CCDC178: variants seen among roughly 807,000 people sequenced by gnomAD.
The protein encoded by CCDC178 is coiled-coil domain-containing protein 178.
In CCDC178, 126 loss-of-function variants were observed where a neutral mutation model predicts 117.4. That is an observed-to-expected ratio of 1.07 (90% CI 0.93 to 1.24). The LOEUF (loss-of-function observed/expected upper bound fraction) is 1.24. Among genes scored for constraint, CCDC178 ranks in the 50% most tolerant of loss-of-function variants. The pLI, the probability that CCDC178 is intolerant of heterozygous loss-of-function variation, is 0.00. For missense variants in CCDC178, 1,030 were observed against 986.9 expected, an observed-to-expected ratio of 1.04 and a Z score of -0.59; for synonymous variants, 283 against 313.4, an observed-to-expected ratio of 0.90 and a Z score of 1.02.
intron 20 of CCDC178, among the ~76,000 whole-genome samples, chr18:33,163,630 A>C (rs1252108753): frequency 6.6e-6 from 1 of 152,212 alleles, no homozygotes. Context: ...TTTTCTAAGA[A>C]CTTTGACTTT....
intron 11 of CCDC178, among the ~76,000 whole-genome samples, chr18:33,302,012 G>C (rs1249157291): frequency 6.6e-6 from 1 of 152,172 alleles, no homozygotes; most frequent in Admixed American, 6.5e-5. Flanking sequence ...GATGGGACAT[G>C]CTGGGAGGTG....
Position 33,352,853 on chromosome 18 carries a change from G to T in CCDC178, c.371+3471C>A, listed in dbSNP as rs2062995568. 2.0e-5 allele frequency among the ~76,000 whole-genome samples: 3 copies of T among 152,100 alleles called. No homozygotes were observed. The South Asian group carries it at 6.2e-4, about 31-fold the overall frequency. On this transcript the variant is annotated intron_variant, in intron 7 of 22. Transcript: ENST00000383096. ...TAATATATGATCTATCCTGAAGAATGGTCCATGTGCACATGAGAAGAATGT... is the reference window on the plus strand; with the variant it reads ...TAATATATGATCTATCCTGAAGAATTGTCCATGTGCACATGAGAAGAATGT...
At chr18:33,276,633 G>A (rs1379911452) in intron 12 of CCDC178, among the ~76,000 whole-genome samples, 3 of 152,120 alleles carry the variant, frequency 2.0e-5, no homozygotes, top group Non-Finnish European at 4.4e-5. Flanking sequence ...TAAGTGGCAT[G>A]TGTAAGCTAA....
intron 20 of CCDC178, among the ~76,000 whole-genome samples, chr18:33,167,091 GC>G (rs748924486): frequency 2.0e-4 from 31 of 152,130 alleles, no homozygotes; most frequent in Non-Finnish European, 3.5e-4. Context: ...CATTCATGTT[GC>G]TGCAAAGGAC....
At chr18:32,983,053 A>G (rs1470740330) in intron 21 of CCDC178, among the ~76,000 whole-genome samples, 1 of 151,290 alleles carries the variant, frequency 6.6e-6, no homozygotes, top group Non-Finnish European at 1.5e-5. Flanking sequence ...CTATGCATGT[A>G]TGTGGAAAGG....
intron 2 of CCDC178, among the ~76,000 whole-genome samples, chr18:33,421,766 T>C (rs1458746376): frequency 6.6e-6 from 1 of 152,064 alleles, no homozygotes; most frequent in Non-Finnish European, 1.5e-5. Context: ...AAACAATAAA[T>C]AGATAATTTG....
At chr18:33,167,709 CA>C (rs1296161688) in intron 20 of CCDC178, among the ~76,000 whole-genome samples, 4 of 149,616 alleles carry the variant, frequency 2.7e-5, no homozygotes, top group African/African-American at 4.9e-5. Context: ...ACTAAAAATA[CA>C]AAAAAAAATA....
At chr18:33,307,000 C>T (rs1042939266) in intron 11 of CCDC178, among the ~76,000 whole-genome samples, 2 of 152,108 alleles carry the variant, frequency 1.3e-5, no homozygotes, top group African/African-American at 4.8e-5. Flanking sequence ...CTGAGGCCTC[C>T]CCAGCCCTGT....
chr18:33,333,114 GA>G, intron 10 of CCDC178, 59 bp downstream of exon 10: 2 of 994,860 alleles, frequency 2.0e-6, no homozygotes, highest in Non-Finnish European at 3.0e-6. Context: ...TCTTATGGTT[GA>G]AAAGTTTTTG....
chr18:33,213,820 T>C (rs1477004931), intron 19 of CCDC178, among the ~76,000 whole-genome samples: 2 of 152,010 alleles, frequency 1.3e-5, no homozygotes, highest in Non-Finnish European at 2.9e-5. Flanking sequence ...TTGATTGCCA[T>C]TATTTTTAAC....
chr18:33,433,829 T>C (rs140627422), intron 2 of CCDC178, among the ~76,000 whole-genome samples: 355 of 152,146 alleles, frequency 2.3e-3, no homozygotes, highest in African/African-American at 7.9e-3. Flanking sequence ...TATTTTCTTA[T>C]ACGTTTCATA....
At chr18:33,146,420 C>T (rs991999626) in intron 20 of CCDC178, among the ~76,000 whole-genome samples, 4 of 152,132 alleles carry the variant, frequency 2.6e-5, no homozygotes, top group Non-Finnish European at 2.9e-5. Flanking sequence ...ACTTGGGAGA[C>T]GAGGTAGGAA....
In CCDC178 at chr18:33,016,970, A is replaced by G. The variant is rs923297474; in HGVS notation, c.2389-42289T>C. Among the ~76,000 whole-genome samples, 5 of 152,100 alleles carry G rather than the reference A, an allele frequency of 3.3e-5. No individual in the cohort carries two copies. In the South Asian group the frequency reaches 8.3e-4, roughly 25 times the overall value. ...ATAGAAGGGAACTTCTCAATTTGGT[A>G]AGGACTATTGACAAAAATCCCTATA... On this transcript the variant is annotated intron_variant, in intron 21 of 22. Transcript: ENST00000383096.
At chr18:33,167,002 TC>T (rs1952419872) in intron 20 of CCDC178, among the ~76,000 whole-genome samples, 1 of 152,154 alleles carries the variant, frequency 6.6e-6, no homozygotes, top group African/African-American at 2.4e-5. Context: ...AATGTTTAGC[TC>T]CCACTTATAA....
chr18:33,039,088 G>A lies in CCDC178; in HGVS notation c.2388+53673C>T, dbSNP rs143277034. ...CAAAAATGACCAGTTAAAAAAGGAT[G>A]TTAAGAATGAACAAAGAGACATGAA... On this transcript the variant is annotated intron_variant, in intron 21 of 22. Transcript: ENST00000383096. 2.0e-5 allele frequency among the ~76,000 whole-genome samples: 3 copies of A among 152,074 alleles called. No individual in the cohort carries two copies. In the East Asian group the frequency reaches 5.8e-4, roughly 29 times the overall value.
At chr18:33,391,249 C>G (rs1202402806) in intron 4 of CCDC178, among the ~76,000 whole-genome samples, 2 of 150,800 alleles carry the variant, frequency 1.3e-5, no homozygotes, top group African/African-American at 4.9e-5. Context: ...TATTACTTTA[C>G]AATTGAAGTT....
At chr18:33,296,458 C>T (rs915928268) in intron 11 of CCDC178, among the ~76,000 whole-genome samples, 4 of 151,866 alleles carry the variant, frequency 2.6e-5, no homozygotes, top group Non-Finnish European at 4.4e-5. Context: ...ATCTCAATTT[C>T]CTGGTTTTAA....
intron 11 of CCDC178, among the ~76,000 whole-genome samples, chr18:33,303,288 A>AT (rs2062203703): frequency 6.6e-6 from 1 of 152,224 alleles, no homozygotes; most frequent in African/African-American, 2.4e-5. Context: ...TTAAAAAGTC[A>AT]TAACTGTGAA....
intron 22 of CCDC178, 42 bp downstream of exon 22, chr18:32,974,505 C>G: frequency 6.3e-7 from 1 of 1,588,320 alleles, no homozygotes; most frequent in Non-Finnish European, 8.6e-7. Context: ...GCTTTTCAAT[C>G]TAGATCAGAA....
Sources: allele counts gnomAD v4.1 joint callset (sites outside exome capture counted in the v4.1 genomes callset), GRCh38; gene constraint gnomAD v4.1.1; transcripts MANE v1.5; gene names NCBI Gene and HGNC (gene_info 2026-07-23, HGNC 2026-07-21).